The following OC90 variants were observed in gnomAD, a reference collection of about 807,000 sequenced individuals.
OC90 encodes the protein otoconin-90.
OC90 carries 46 observed loss-of-function variants against 47.3 expected under a neutral mutation model. The ratio of observed to expected loss-of-function variants is 0.97; its 90% CI spans 0.77 to 1.24. The LOEUF (loss-of-function observed/expected upper bound fraction) is 1.24. Among genes scored for constraint, OC90 ranks in the 50% most tolerant of loss-of-function variants. OC90 has a pLI of 0.00. For missense variants in OC90, 688 were observed against 583.9 expected (o/e 1.18, Z -1.84); for synonymous variants, 271 against 219.5 (o/e 1.23, Z -2.07).
chr8:132,048,715 C>T (rs975975245), intron 2 of OC90, among the ~76,000 whole-genome samples: 2 of 151,502 alleles, frequency 1.3e-5, no homozygotes, highest in East Asian at 1.9e-4. Flanking sequence ...TCTTTTGTCC[C>T]CACTCCCCCC....
intron 2 of OC90, among the ~76,000 whole-genome samples, chr8:132,053,700 G>A (rs185220298): frequency 2.3e-4 from 35 of 152,320 alleles, no homozygotes; most frequent in South Asian, 1.9e-3. Flanking sequence ...CCAACACATG[G>A]TGGTGTGATG....
At chr8:132,026,222 T>C (rs546386681) in intron 13 of OC90, among the ~76,000 whole-genome samples, 1 of 152,300 alleles carries the variant, frequency 6.6e-6, no homozygotes, top group Admixed American at 6.5e-5. Context: ...ATAATATCTT[T>C]GAAGGTTCTA....
At chr8:132,053,586 G>A (rs1291993147) in intron 2 of OC90, among the ~76,000 whole-genome samples, 3 of 152,180 alleles carry the variant, frequency 2.0e-5, no homozygotes, top group African/African-American at 2.4e-5. Context: ...GTATTCTACC[G>A]AAAAGATCAA....
chr8:132,031,584 G>A (rs1822874989), intron 12 of OC90, among the ~76,000 whole-genome samples: 1 of 152,174 alleles, frequency 6.6e-6, no homozygotes, highest in Non-Finnish European at 1.5e-5. Flanking sequence ...GGGTAGCTGG[G>A]CAGTATTTGT....
Position 132,024,620 on chromosome 8 carries a change from ACAGGGTG to A in OC90, c.1288_1294del (p.His430CysfsTer83). The A allele has an allele frequency of 6.2e-7, 1 of 1,613,628 alleles. No individual in the cohort carries two copies. Among genetic ancestry groups the A allele is most frequent in the Non-Finnish European group, 8.5e-7 (1 of 1,179,768 alleles). ...GGAGCCCAGGGTGGGGGCTGCGGGCACAGGGTGCAGGCTGTCTTCACAGGCTGCTGGC... is the reference window on the plus strand; with the variant it reads ...GGAGCCCAGGGTGGGGGCTGCGGGCACAGGCTGTCTTCACAGGCTGCTGGC... On this transcript the variant is annotated frameshift_variant, in exon 14 of 14. Transcript: ENST00000254627. LOFTEE classifies it low-confidence loss of function (END_TRUNC).
chr8:132,047,437 C>A (rs1021221332), intron 2 of OC90, among the ~76,000 whole-genome samples: 1 of 152,004 alleles, frequency 6.6e-6, no homozygotes, highest in Non-Finnish European at 1.5e-5. Flanking sequence ...TTTCTTAATG[C>A]AACATTTTAA....
At position 132,039,219 on chromosome 8, in the gene OC90, C is replaced by G. The variant is rs1823016551; in HGVS notation, c.458-96G>C. On this transcript the variant is annotated intron_variant, in intron 6 of 13. Coordinates refer to ENST00000254627, the MANE Select transcript of OC90 (RefSeq NM_001080399.3). ...AGACTGAGTTCCTCATCTCCCCTGC[C>G]AAAAATCCCACTCCCCTTGCAATCT... The G allele has an allele frequency of 9.8e-6, 13 of 1,319,802 alleles. No homozygotes were observed. The South Asian group carries it at 1.7e-4, about 17-fold the overall frequency. The allele number at this position is 1,319,802 out of a possible 1,614,324, so 81.8% of individuals were successfully genotyped here.
chr8:132,038,775 C>T lies in OC90; in HGVS notation c.628+15G>A. ...CCCTTGTGGTTCAAGAGCCACCAAC[C>T]CTGGGAGGCCTTACCTCTGGGCAGA... On this transcript the variant is annotated intron_variant, in intron 8 of 13. Coordinates refer to ENST00000254627, the MANE Select transcript of OC90 (RefSeq NM_001080399.3). The T allele has an allele frequency of 6.2e-6, 10 of 1,611,808 alleles. No individual in the cohort carries two copies. The highest frequency in any genetic ancestry group is 2.7e-5 in the African/African-American group (2 of 75,000).
chr8:132,041,782 T>C, intron 4 of OC90, 83 bp from the exon 5 acceptor site: 1 of 749,264 alleles, frequency 1.3e-6, no homozygotes, highest in Non-Finnish European at 2.2e-6. Context: ...TTCCTATACC[T>C]CAGGCTGATG....
At chr8:132,058,473 A>G (rs141756674) in intron 1 of OC90, among the ~76,000 whole-genome samples, 20 of 152,260 alleles carry the variant, frequency 1.3e-4, no homozygotes, top group Admixed American at 3.9e-4. Context: ...CTGTCTCCCA[A>G]TGGCCGGTCT....
intron 13 of OC90, among the ~76,000 whole-genome samples, chr8:132,025,688 C>G (rs568186903): frequency 6.6e-6 from 1 of 152,190 alleles, no homozygotes; most frequent in Admixed American, 6.5e-5. Context: ...AAGTTGCCTG[C>G]TTGGCCCCTT....
At position 132,025,358 on chromosome 8, in the gene OC90, G is replaced by A. The variant is rs376520718; in HGVS notation, c.1139-582C>T. Among the ~76,000 whole-genome samples the A allele has an allele frequency of 7.9e-4, 120 of 152,272 alleles. 2 individuals carry two copies. The South Asian group carries it at 0.023, about 29-fold the overall frequency. ...CTTCCCAATAAAAACTTAAAATGGCGAGTTTGACTTTCCTCTGGGGACATG... is the reference window on the plus strand; with the variant it reads ...CTTCCCAATAAAAACTTAAAATGGCAAGTTTGACTTTCCTCTGGGGACATG... On this transcript the variant is annotated intron_variant, in intron 13 of 13. Transcript: ENST00000254627.
Position 132,041,117 on chromosome 8 carries a change from A to C in OC90, c.384T>G (p.Ala128=). 1 of 1,613,842 alleles carries C rather than the reference A, an allele frequency of 6.2e-7. No homozygotes were observed. Among genetic ancestry groups the C allele is most frequent in the Non-Finnish European group, 8.5e-7 (1 of 1,179,736 alleles). ...FQHRRCYEEA[A]EMDCLQDPAK... Reference sequence around the variant, plus strand: ...CGGGGTCTTGGAGACAGTCCATCTCAGCGGCCTCCTCATAGCACCTGCGGT... The same window carrying C: ...CGGGGTCTTGGAGACAGTCCATCTCCGCGGCCTCCTCATAGCACCTGCGGT... The change falls in exon 6 of 14, where the codon GCT becomes GCG. Residue 128 remains alanine (A), a synonymous_variant. Transcript: ENST00000254627.
chr8:132,036,500 A>T (rs1822966066), intron 9 of OC90: 1 of 772,210 alleles, frequency 1.3e-6, no homozygotes, highest in Non-Finnish European at 2.4e-6. Flanking sequence ...TTGGGGGCTG[A>T]GGATGTAAGA....
chr8:132,046,723 A>T (rs1312629789), intron 2 of OC90, among the ~76,000 whole-genome samples: 1 of 152,224 alleles, frequency 6.6e-6, no homozygotes, highest in African/African-American at 2.4e-5. Flanking sequence ...GTTGGAAATG[A>T]TCAAAAGGGT....
chr8:132,049,385 C>G (rs1378836512), intron 2 of OC90, among the ~76,000 whole-genome samples: 1 of 152,204 alleles, frequency 6.6e-6, no homozygotes, highest in Non-Finnish European at 1.5e-5. Context: ...TCCTGTCCAA[C>G]TAGCTACCTG....
intron 6 of OC90, among the ~76,000 whole-genome samples, chr8:132,039,698 C>A (rs1297739733): frequency 6.6e-6 from 1 of 152,166 alleles, no homozygotes; most frequent in Non-Finnish European, 1.5e-5. Flanking sequence ...ATTTGTGTCT[C>A]ACTGCTCCCT....
intron 3 of OC90, among the ~76,000 whole-genome samples, chr8:132,045,150 C>T (rs1823114140): frequency 6.6e-6 from 1 of 152,214 alleles, no homozygotes; most frequent in South Asian, 2.1e-4. Context: ...ATTGCACTTC[C>T]TCTAGAAGTT....
In OC90 at chr8:132,045,949, G is replaced by A. The variant is rs1356960075; in HGVS notation, c.47-66C>T. ...GATACAATTCACTTGCTGGACTAAG[G>A]CCAGAAGGCGACAGCCAGACAAACA... On this transcript the variant is annotated intron_variant, in intron 2 of 13. Transcript: ENST00000254627. 5.8e-6 allele frequency: 5 copies of A among 868,056 alleles called. No homozygotes were observed. In the South Asian group the frequency reaches 7.4e-5, roughly 13 times the overall value. 53.8% of individuals were successfully genotyped at this position (868,056 alleles called of 1,614,324 possible). A position where few individuals can be genotyped will look rare whatever the true frequency, so the allele number is the denominator to read the frequency against.
Sources: allele counts gnomAD v4.1 joint callset (sites outside exome capture counted in the v4.1 genomes callset), GRCh38; gene constraint gnomAD v4.1.1; transcripts MANE v1.5; gene names NCBI Gene and HGNC (gene_info 2026-07-23, HGNC 2026-07-21).